SEC24B: variants seen among roughly 807,000 people sequenced by gnomAD.
SEC24B encodes the protein SEC24 homolog B, COPII component.
Under a neutral mutation model 142.8 loss-of-function variants are expected in SEC24B, and 45 were observed. The ratio of observed to expected loss-of-function variants is 0.32; its 90% CI spans 0.25 to 0.40. SEC24B has a LOEUF of 0.40. SEC24B is among the 10% of genes least tolerant of loss of function. The pLI, the probability that SEC24B is intolerant of heterozygous loss-of-function variation, is 1.00. For synonymous variants in SEC24B, 574 were observed against 568.2 expected (o/e 1.01, Z -0.15); for missense variants, 1,409 against 1,526.8 (o/e 0.92, Z 1.29).
intron 19 of SEC24B, among the ~76,000 whole-genome samples, chr4:109,530,911 AAAAAAAAAAG>A (rs1396924008): frequency 2.6e-5 from 4 of 151,600 alleles, no homozygotes; most frequent in Non-Finnish European, 5.9e-5. Context: ...AAAAAAAAAA[AAAAAAAAAAG>A]AAAAGATCAG....
chr4:109,517,859 G>A (rs1402755997), intron 11 of SEC24B, among the ~76,000 whole-genome samples: 1 of 152,174 alleles, frequency 6.6e-6, no homozygotes, highest in Non-Finnish European at 1.5e-5. Flanking sequence ...ACTGATGACA[G>A]AATGAGCTGG....
rs1048918030 is a variant in SEC24B at position 109,516,731 on chromosome 4, G to A, written c.2126+91G>A. The A allele has an allele frequency of 6.0e-6, 4 of 663,662 alleles. No homozygotes were observed. The Admixed American group carries it at 9.0e-5, about 15-fold the overall frequency. 41.1% of individuals were successfully genotyped at this position (663,662 alleles called of 1,614,324 possible). On this transcript the variant is annotated intron_variant, in intron 11 of 23. Transcript: ENST00000265175. ...GAAGTGTTCGCAGTTTGTGGGATTG[G>A]GTTTGGTTGTATTTATCAACTAAAA...
chr4:109,526,269 T>C lies in SEC24B; in HGVS notation c.2835T>C (p.Ser945=). The change falls in exon 17 of 24, where the codon TCT becomes TCC. Residue 945 remains serine, a synonymous_variant. Coordinates refer to ENST00000265175, the MANE Select transcript of SEC24B (RefSeq NM_006323.5). The stretch of plus-strand genomic sequence containing the variant: ...TTCACGGTAACTTCTTTGTCCGTTC[T>C]ACTGATTTGTTATCCCTTGCCAACA... ...HTFHGNFFVR[S]TDLLSLANIN... 1.2e-6 allele frequency: 2 copies of C among 1,614,050 alleles called. No individual in the cohort carries two copies. The highest frequency in any genetic ancestry group is 1.7e-6 in the Non-Finnish European group (2 of 1,179,966).
At chr4:109,539,095 G>A (rs2126113721) in intron 23 of SEC24B, among the ~76,000 whole-genome samples, 1 of 152,066 alleles carries the variant, frequency 6.6e-6, no homozygotes, top group East Asian at 1.9e-4. Context: ...CCAAGTAGCT[G>A]GGATTACAGG....
chr4:109,442,934 T>C (rs1349522401), intron 1 of SEC24B, among the ~76,000 whole-genome samples: 1 of 152,358 alleles, frequency 6.6e-6, no homozygotes, highest in East Asian at 1.9e-4. Context: ...TTTTTTTCCC[T>C]ATAAAATGGC....
chr4:109,535,320 T>C (rs190736513), intron 22 of SEC24B, among the ~76,000 whole-genome samples: 400 of 150,192 alleles, frequency 2.7e-3, no homozygotes, highest in African/African-American at 9.3e-3. Context: ...TTGGGAAGCC[T>C]AGGTGGGTGT....
intron 13 of SEC24B, 78 bp downstream of exon 13, chr4:109,521,250 C>T (rs958108972): frequency 9.7e-7 from 1 of 1,033,740 alleles, no homozygotes; most frequent in African/African-American, 1.6e-5. Flanking sequence ...CATTTGTTTA[C>T]TTGATATATT....
chr4:109,537,284 A>C (rs1025187456), intron 22 of SEC24B, among the ~76,000 whole-genome samples: 8 of 152,222 alleles, frequency 5.3e-5, no homozygotes, highest in African/African-American at 1.9e-4. Flanking sequence ...GACACTGTTG[A>C]GCATTATTGA....
At chr4:109,451,105 G>T (rs1287452838) in intron 1 of SEC24B, 4 of 151,986 alleles carry the variant, frequency 2.6e-5, no homozygotes, top group Admixed American at 6.6e-5. Flanking sequence ...CTCTTTCCCT[G>T]TTTCTTATAA....
At chr4:109,443,135 T>C (rs1292121050) in intron 1 of SEC24B, among the ~76,000 whole-genome samples, 2 of 152,158 alleles carry the variant, frequency 1.3e-5, no homozygotes, top group Non-Finnish European at 2.9e-5. Flanking sequence ...TCTCTCTGCC[T>C]CCCTTTCCAA....
intron 1 of SEC24B, among the ~76,000 whole-genome samples, chr4:109,451,324 C>A (rs74653182): frequency 6.6e-6 from 1 of 151,494 alleles, no homozygotes; most frequent in African/African-American, 2.4e-5. Context: ...CTCAAGCGAT[C>A]CTCTCAAGTA....
intron 7 of SEC24B, 34 bp from the exon 8 acceptor site, chr4:109,509,975 C>A: frequency 7.5e-7 from 1 of 1,327,060 alleles, no homozygotes; most frequent in Non-Finnish European, 1.1e-6. Context: ...TCTCTGATAG[C>A]TAATATCCTC....
intron 15 of SEC24B, 149 bp downstream of exon 15, chr4:109,525,090 T>G (rs1724073122): frequency 1.3e-6 from 1 of 777,338 alleles, no homozygotes; most frequent in Admixed American, 3.3e-5. Context: ...CCAGTAAAGT[T>G]TAAAGCACTA....
chr4:109,466,925 C>T (rs1224750908), intron 2 of SEC24B, among the ~76,000 whole-genome samples: 1 of 152,140 alleles, frequency 6.6e-6, no homozygotes, highest in Non-Finnish European at 1.5e-5. Context: ...AATTCATATT[C>T]AAAACATAGA....
At chr4:109,505,903 CATG>C (rs1561148472) in intron 6 of SEC24B, among the ~76,000 whole-genome samples, 1 of 152,110 alleles carries the variant, frequency 6.6e-6, no homozygotes, top group Admixed American at 6.6e-5. Flanking sequence ...GCCATTAATT[CATG>C]ATAATATTAA....
chr4:109,483,214 G>A (rs1234036249), intron 4 of SEC24B, among the ~76,000 whole-genome samples: 1 of 150,312 alleles, frequency 6.7e-6, no homozygotes, highest in Non-Finnish European at 1.5e-5. Context: ...CGAGTAGCTG[G>A]GACTACAGGC....
chr4:109,486,826 C>T (rs940540681), intron 4 of SEC24B, among the ~76,000 whole-genome samples: 6 of 152,204 alleles, frequency 3.9e-5, no homozygotes, highest in African/African-American at 1.2e-4. Context: ...CCATCAAATA[C>T]GTATAATATG....
In SEC24B at chr4:109,494,807, G is replaced by A; in HGVS notation, c.1439G>A (p.Gly480Glu). ...AATGCTACAGCACCACTTATTTCTG[G>A]AGTACAGCCCAGTAACCCGGTATAT... ...YQNATAPLISGVQPSNPVYSG... is the reference protein window; with the variant it reads ...YQNATAPLISEVQPSNPVYSG... Residue 480 changes from glycine (G) to glutamate (E), a missense_variant, in exon 6 of 24, where the codon GGA becomes GAA. Gly to Glu is a moderately conservative substitution (Grantham distance 98). Coordinates refer to ENST00000265175, the MANE Select transcript of SEC24B (RefSeq NM_006323.5). 6.2e-7 allele frequency: 1 copy of A among 1,614,078 alleles called. No homozygotes were observed. Among genetic ancestry groups the A allele is most frequent in the Non-Finnish European group, 8.5e-7 (1 of 1,179,988 alleles).
intron 23 of SEC24B, 87 bp downstream of exon 23, chr4:109,538,683 A>G (rs561819745): frequency 1.3e-6 from 1 of 743,418 alleles, no homozygotes; most frequent in East Asian, 2.6e-5. Context: ...TTTAAATAGT[A>G]GCAAAATATA....
Sources: allele counts gnomAD v4.1 joint callset (sites outside exome capture counted in the v4.1 genomes callset), GRCh38; gene constraint gnomAD v4.1.1; transcripts MANE v1.5; gene names NCBI Gene and HGNC (gene_info 2026-07-23, HGNC 2026-07-21).